Variants in GFRA2 observed in about 807,000 individuals in gnomAD.
GFRA2 encodes GDNF family receptor alpha 2, also known as GDNF family receptor alpha-2.
In GFRA2, 17 loss-of-function variants were observed where a neutral mutation model predicts 48.3. The ratio of observed to expected loss-of-function variants is 0.35; its 90% CI spans 0.24 to 0.53. The LOEUF (loss-of-function observed/expected upper bound fraction) is 0.53. GFRA2 is among the 20% of genes least tolerant of loss of function. GFRA2 has a pLI of 0.93. For missense variants in GFRA2, 660 were observed against 637.3 expected (o/e 1.04, Z -0.38); for synonymous variants, 305 against 257.2 (o/e 1.19, Z -1.78).
intron 7 of GFRA2, among the ~76,000 whole-genome samples, chr8:21,696,045 C>A (rs60544386): frequency 6.8e-6 from 1 of 146,224 alleles, no homozygotes; most frequent in Admixed American, 6.7e-5. Flanking sequence ...GGAGCCCTCT[C>A]CTTTGTCCCC....
intron 2 of GFRA2, among the ~76,000 whole-genome samples, chr8:21,801,979 C>G (rs1361276520): frequency 6.6e-6 from 1 of 152,240 alleles, no homozygotes; most frequent in African/African-American, 2.4e-5. Flanking sequence ...CCCCAGGGAA[C>G]TTCCATCCCG....
intron 7 of GFRA2, among the ~76,000 whole-genome samples, chr8:21,695,426 G>T (rs1328091003): frequency 2.6e-5 from 4 of 152,166 alleles, no homozygotes; most frequent in Non-Finnish European, 1.5e-5. Flanking sequence ...TCGGCCAGAA[G>T]TATCAATAAC....
intron 3 of GFRA2, among the ~76,000 whole-genome samples, chr8:21,757,449 A>G (rs959422808): frequency 6.6e-6 from 1 of 151,874 alleles, no homozygotes; most frequent in African/African-American, 2.4e-5. Flanking sequence ...TTTTGGTCAT[A>G]TTAACAGTAC....
At chr8:21,769,414 A>G (rs1431868513) in intron 3 of GFRA2, among the ~76,000 whole-genome samples, 1 of 152,200 alleles carries the variant, frequency 6.6e-6, no homozygotes, top group Non-Finnish European at 1.5e-5. Flanking sequence ...CCAGTCAGCG[A>G]ACGGTGATAC....
At chr8:21,722,710 C>G (rs908387166) in intron 4 of GFRA2, among the ~76,000 whole-genome samples, 2 of 152,226 alleles carry the variant, frequency 1.3e-5, no homozygotes, top group Non-Finnish European at 2.9e-5. Flanking sequence ...CCTTTCCCCC[C>G]CAGTCAGAGG....
At chr8:21,728,834 G>A (rs913746218) in intron 4 of GFRA2, among the ~76,000 whole-genome samples, 9 of 152,242 alleles carry the variant, frequency 5.9e-5, no homozygotes, top group Non-Finnish European at 1.3e-4. Flanking sequence ...TGCACGGTTT[G>A]ACATGGAAAT....
chr8:21,705,975 C>G lies in GFRA2; in HGVS notation c.861G>C (p.Ala287=). 6.3e-7 allele frequency: 1 copy of G among 1,578,474 alleles called. No individual in the cohort carries two copies. Among genetic ancestry groups the G allele is most frequent in the South Asian group, 1.2e-5 (1 of 85,644 alleles). The part of the protein sequence containing the change: ...ASYQTVTSCP[A]DNYQACLGSY... ...AGCCCAGACACGCCTGGTAATTGTCCGCAGGGCAGCTGGTGACCGTCTGGT... is the reference window on the plus strand; with the variant it reads ...AGCCCAGACACGCCTGGTAATTGTCGGCAGGGCAGCTGGTGACCGTCTGGT... The change falls in exon 5 of 9, where the codon GCG becomes GCC. Residue 287 remains alanine, a synonymous_variant. Coordinates refer to ENST00000524240, the MANE Select transcript of GFRA2 (RefSeq NM_001495.5).
chr8:21,729,013 A>C (rs1804039865), intron 4 of GFRA2, among the ~76,000 whole-genome samples: 2 of 152,194 alleles, frequency 1.3e-5, no homozygotes, highest in African/African-American at 4.8e-5. Context: ...AGTGGTGTCC[A>C]CCACATGGGG....
chr8:21,737,734 C>G (rs1479655915), intron 4 of GFRA2, among the ~76,000 whole-genome samples: 1 of 152,174 alleles, frequency 6.6e-6, no homozygotes, highest in Non-Finnish European at 1.5e-5. Flanking sequence ...CCGCAGGACC[C>G]TGTCTCCACA....
chr8:21,806,627 G>T (rs1383111784), intron 1 of GFRA2, among the ~76,000 whole-genome samples: 6 of 152,258 alleles, frequency 3.9e-5, no homozygotes, highest in African/African-American at 1.4e-4. Context: ...AACATACCTA[G>T]CTAAATTTCC....
At chr8:21,764,963 CAAG>C (rs1422705687) in intron 3 of GFRA2, among the ~76,000 whole-genome samples, 6 of 152,244 alleles carry the variant, frequency 3.9e-5, no homozygotes, top group African/African-American at 1.4e-4. Flanking sequence ...CCTCACCCTC[CAAG>C]AAGAATATTC....
intron 7 of GFRA2, among the ~76,000 whole-genome samples, chr8:21,700,292 C>T (rs909982421): frequency 1.1e-4 from 17 of 152,184 alleles, no homozygotes; most frequent in Non-Finnish European, 5.9e-5. Context: ...TTTGCAGGCC[C>T]TATCAGGCCT....
At position 21,775,022 on chromosome 8, in the gene GFRA2, G is replaced by T; in HGVS notation, c.389C>A (p.Pro130Gln). 6.2e-7 allele frequency: 1 copy of T among 1,603,474 alleles called. No homozygotes were observed. ...EEFYEASPYE[P>Q]VTSRLSDIFR... ...GATGTCCGAGAGGCGGGAGGTCACC[G>T]GCTCATAGGGGGAGGCTTCGTAGAA... The change falls in exon 3 of 9, where the codon CCG becomes CAG. Residue 130 changes from proline to glutamine, a missense_variant. Physicochemically the swap from Pro to Gln is moderately conservative, Grantham distance 76. Transcript: ENST00000524240.
At chr8:21,727,858 G>A (rs573622905) in intron 4 of GFRA2, among the ~76,000 whole-genome samples, 5 of 152,150 alleles carry the variant, frequency 3.3e-5, no homozygotes, top group East Asian at 1.9e-4. Flanking sequence ...ATAAACAAAC[G>A]GGGGTTATTT....
At chr8:21,742,999 AG>A (rs1804828893) in intron 4 of GFRA2, among the ~76,000 whole-genome samples, 1 of 152,164 alleles carries the variant, frequency 6.6e-6, no homozygotes, top group Non-Finnish European at 1.5e-5. Context: ...TCTGATTTGG[AG>A]CTTCTCTCTG....
intron 4 of GFRA2, among the ~76,000 whole-genome samples, chr8:21,748,533 C>A (rs1805120818): frequency 6.6e-6 from 1 of 152,148 alleles, no homozygotes; most frequent in Non-Finnish European, 1.5e-5. Flanking sequence ...CCAGTTTTCT[C>A]CACACCCACA....
At chr8:21,770,235 C>T (rs1165478496) in intron 3 of GFRA2, among the ~76,000 whole-genome samples, 2 of 152,342 alleles carry the variant, frequency 1.3e-5, no homozygotes, top group East Asian at 1.9e-4. Flanking sequence ...TCTAGAATGC[C>T]GGGTTCTAGG....
intron 1 of GFRA2, among the ~76,000 whole-genome samples, chr8:21,786,578 G>C (rs1035395585): frequency 6.6e-5 from 10 of 152,170 alleles, no homozygotes; most frequent in Non-Finnish European, 1.2e-4. Context: ...GGATCACAGC[G>C]GGCCCAGAGC....
At chr8:21,717,309 A>G (rs565528989) in intron 4 of GFRA2, among the ~76,000 whole-genome samples, 1 of 152,350 alleles carries the variant, frequency 6.6e-6, no homozygotes, top group Admixed American at 6.5e-5. Flanking sequence ...GGAAAGCTAC[A>G]TTGCTATCAA....
Sources: allele counts gnomAD v4.1 joint callset (sites outside exome capture counted in the v4.1 genomes callset), GRCh38; gene constraint gnomAD v4.1.1; transcripts MANE v1.5; gene names NCBI Gene and HGNC (gene_info 2026-07-23, HGNC 2026-07-21).